Variants in NACC2 observed in about 807,000 individuals in gnomAD.
NACC2 encodes NACC family member 2, also known as nucleus accumbens-associated protein 2.
Under a neutral mutation model 25.1 loss-of-function variants are expected in NACC2, and 8 were observed. The observed-to-expected ratio is 0.32, with a 90% CI of 0.19 to 0.57. The LOEUF (loss-of-function observed/expected upper bound fraction) is 0.57, where lower values mean the gene tolerates loss of function less well. NACC2 is among the 20% of genes least tolerant of loss of function. NACC2 has a pLI of 0.89. For missense variants in NACC2, 644 were observed against 650.2 expected (o/e 0.99, Z 0.10); for synonymous variants, 435 against 294.7 (o/e 1.48, Z -4.88).
Position 136,013,699 on chromosome 9 carries a change from C to G in NACC2, c.1157+165G>C, listed in dbSNP as rs1485470595. On this transcript the variant is annotated intron_variant, in intron 4 of 5. Transcript: ENST00000277554. The surrounding 1 kb of genome is among the most constrained non-coding windows in gnomAD (Gnocchi z 6.6). ...CGAAAGACAGCCCCTCCCTCCCTCC[C>G]TGGGAGCCTCTCCACCGTCCTGGGG... Among the ~76,000 whole-genome samples the G allele has an allele frequency of 2.6e-5, 4 of 152,184 alleles. No individual in the cohort carries two copies. Among genetic ancestry groups the G allele is most frequent in the Non-Finnish European group, 5.9e-5 (4 of 68,022 alleles).
chr9:136,079,652 C>A (rs1222448733), intron 1 of NACC2, among the ~76,000 whole-genome samples: 1 of 152,190 alleles, frequency 6.6e-6, no homozygotes, highest in Non-Finnish European at 1.5e-5. Context: ...CTTCCTGGGG[C>A]CCTGCCGTGG....
chr9:136,036,262 T>C (rs1840551154), intron 2 of NACC2, among the ~76,000 whole-genome samples: 1 of 152,210 alleles, frequency 6.6e-6, no homozygotes, highest in East Asian at 1.9e-4. Context: ...GACTCATTAT[T>C]GAAATTCTAC....
intron 2 of NACC2, among the ~76,000 whole-genome samples, chr9:136,044,752 G>A (rs1391550590): frequency 3.3e-5 from 5 of 152,356 alleles, no homozygotes; most frequent in Non-Finnish European, 7.3e-5. Flanking sequence ...GAGCGGCCTC[G>A]GACATACAGC....
rs182387542 is a variant in NACC2 at position 136,084,594 on chromosome 9, G to A, written c.-60+10595C>T. Among the ~76,000 whole-genome samples, 79 of 152,326 alleles carry A rather than the reference G, an allele frequency of 5.2e-4. No individual in the cohort carries two copies. Among genetic ancestry groups the A allele is most frequent in the Admixed American group, 2.6e-3 (40 of 15,298 alleles). On this transcript the variant is annotated intron_variant, in intron 1 of 5. Coordinates refer to ENST00000277554, the MANE Select transcript of NACC2 (RefSeq NM_144653.5). This position sits in a 1 kb window ranked among gnomAD's most constrained non-coding sequence, Gnocchi z 5.1. ...GAAAGGCCACAGAATACACCAGGCT[G>A]GAAGAGCCCAGAGACACAGCAAGAC...
At chr9:136,087,625 A>G (rs957956050) in intron 1 of NACC2, among the ~76,000 whole-genome samples, 1 of 152,222 alleles carries the variant, frequency 6.6e-6, no homozygotes, top group Non-Finnish European at 1.5e-5. Context: ...GTGACCAGAA[A>G]GCAGGATACG....
chr9:136,013,365 G>A lies in NACC2; in HGVS notation c.1158-69C>T, dbSNP rs1029863343. On this transcript the variant is annotated intron_variant, in intron 4 of 5. Transcript: ENST00000277554. The surrounding 1 kb of genome is among the most constrained non-coding windows in gnomAD (Gnocchi z 6.6). ...GAGGGTACCTGGAGGCGACCCGCCC[G>A]CACGAATGCCCTGCTGGGAGGCCAC... 1.5e-5 allele frequency: 22 copies of A among 1,441,552 alleles called. No homozygotes were observed. The highest frequency in any genetic ancestry group is 5.7e-5 in the African/African-American group (4 of 70,288). 89.3% of individuals were successfully genotyped at this position (1,441,552 alleles called of 1,614,324 possible).
chr9:136,036,945 A>T (rs1840562809), intron 2 of NACC2, among the ~76,000 whole-genome samples: 3 of 152,254 alleles, frequency 2.0e-5, no homozygotes, highest in Admixed American at 2.0e-4. Context: ...AAGGCATCTA[A>T]TAGTCAAATT....
chr9:136,021,343 C>G (rs1473306163), intron 2 of NACC2, among the ~76,000 whole-genome samples: 2 of 152,012 alleles, frequency 1.3e-5, no homozygotes, highest in Admixed American at 6.6e-5. Flanking sequence ...CCTCCCAGTG[C>G]GGGAAACGTA....
In NACC2 at chr9:136,047,716, C is replaced by A. The variant is rs901501024; in HGVS notation, c.886+1920G>T. The stretch of plus-strand genomic sequence containing the variant: ...CTCCCGTCCCCACCCAACACACATC[C>A]GGGACTCCACAGAGCCGCTTCCTGG... On this transcript the variant is annotated intron_variant, in intron 2 of 5. Coordinates refer to ENST00000277554, the MANE Select transcript of NACC2 (RefSeq NM_144653.5). Among the ~76,000 whole-genome samples the A allele has an allele frequency of 2.6e-5, 4 of 152,200 alleles. No individual in the cohort carries two copies. The East Asian group carries it at 7.7e-4, about 29-fold the overall frequency.
chr9:136,047,793 G>A (rs1840752477), intron 2 of NACC2, among the ~76,000 whole-genome samples: 1 of 152,172 alleles, frequency 6.6e-6, no homozygotes. Flanking sequence ...GGGCGTGAGG[G>A]CTTCTAGCTC....
At chr9:136,045,014 G>A (rs1249043839) in intron 2 of NACC2, among the ~76,000 whole-genome samples, 2 of 152,238 alleles carry the variant, frequency 1.3e-5, no homozygotes, top group Non-Finnish European at 2.9e-5. Flanking sequence ...CAGATGTGCT[G>A]CTGTGTGCCA....
At position 136,022,472 on chromosome 9, in the gene NACC2, T is replaced by G. The variant is rs1840306799; in HGVS notation, c.887-6043A>C. 1.3e-5 allele frequency among the ~76,000 whole-genome samples: 2 copies of G among 152,232 alleles called. No homozygotes were observed. Among genetic ancestry groups the G allele is most frequent in the African/African-American group, 4.8e-5 (2 of 41,466 alleles). ...GCCCAGGGCCGGCTGTGGGGCCAAC[T>G]GGTGCAGACGTGGCATTTAGTGTGG... is the stretch of plus-strand genomic sequence containing the variant. On this transcript the variant is annotated intron_variant, in intron 2 of 5. Transcript: ENST00000277554. The surrounding 1 kb of genome is among the most constrained non-coding windows in gnomAD (Gnocchi z 4.4).
intron 1 of NACC2, among the ~76,000 whole-genome samples, chr9:136,081,256 C>T (rs12003965): frequency 0.093 from 14,218 of 152,112 alleles, 732 homozygotes; most frequent in African/African-American, 0.13. Context: ...CTGGGGGCTC[C>T]GCAGGACAGG....
At position 136,049,637 on chromosome 9, in the gene NACC2, T is replaced by C. The variant is rs1840785519; in HGVS notation, c.885A>G (p.Ala295=). ...TGGGGCTCCACCCCGCCGCGTTACC[T>C]GCATAGCTGCCGGAGGCCTTGATGT... ...QMYIKASGSY[A]VQEKPEPVPL... is the part of the protein sequence containing the mutation. The change falls in exon 2 of 6, where the codon GCA becomes GCG. Residue 295 remains alanine, a splice_region_variant and synonymous_variant. Coordinates refer to ENST00000277554, the MANE Select transcript of NACC2 (RefSeq NM_144653.5). 1.3e-6 allele frequency: 1 copy of C among 775,928 alleles called. No homozygotes were observed. The highest frequency in any genetic ancestry group is 2.4e-6 in the Non-Finnish European group (1 of 416,018). The allele number at this position is 775,928 out of a possible 1,614,324, so 48.1% of individuals were successfully genotyped here. A position where few individuals can be genotyped will look rare whatever the true frequency, so the allele number is the denominator to read the frequency against.
intron 1 of NACC2, among the ~76,000 whole-genome samples, chr9:136,059,418 A>G (rs1456413402): frequency 6.6e-6 from 1 of 152,194 alleles, no homozygotes; most frequent in Non-Finnish European, 1.5e-5. Context: ...GAGGCCCCAG[A>G]GCCCAGACCT....
intron 1 of NACC2, among the ~76,000 whole-genome samples, chr9:136,064,127 A>G (rs1564236238): frequency 6.6e-6 from 1 of 151,920 alleles, no homozygotes; most frequent in Non-Finnish European, 1.5e-5. Flanking sequence ...CATCTCTACA[A>G]AAAATTCAAA....
chr9:136,077,067 C>T (rs4841915), intron 1 of NACC2, among the ~76,000 whole-genome samples: 33,042 of 151,562 alleles, frequency 0.22, 3,894 homozygotes, highest in East Asian at 0.4. Context: ...GTAGTCCCAG[C>T]CACTTGGGAG....
At chr9:136,064,552 G>C (rs1841057195) in intron 1 of NACC2, among the ~76,000 whole-genome samples, 1 of 152,158 alleles carries the variant, frequency 6.6e-6, no homozygotes, top group Non-Finnish European at 1.5e-5. Context: ...AGAAATGAAA[G>C]ATCTAAAGAA....
At position 136,013,715 on chromosome 9, in the gene NACC2, C is replaced by A. The variant is rs1213497767; in HGVS notation, c.1157+149G>T. ...CCTCCCTCCCTGGGAGCCTCTCCAC[C>A]GTCCTGGGGCCGACCGGCCACGGCT... is the stretch of plus-strand genomic sequence containing the variant. On this transcript the variant is annotated intron_variant, in intron 4 of 5. Coordinates refer to ENST00000277554, the MANE Select transcript of NACC2 (RefSeq NM_144653.5). This position sits in a 1 kb window ranked among gnomAD's most constrained non-coding sequence, Gnocchi z 6.6. 9.1e-6 allele frequency: 6 copies of A among 660,468 alleles called. No homozygotes were observed. The South Asian group carries it at 1.2e-4, about 14-fold the overall frequency. The allele number at this position is 660,468 out of a possible 1,614,324, so 40.9% of individuals were successfully genotyped here.
Sources: gnomAD v4.1 joint callset for allele counts (sites outside exome capture counted in the v4.1 genomes callset) on GRCh38, gnomAD v4.1.1 for gene constraint, Gnocchi (gnomAD v3.1) non-coding constraint, MANE v1.5 for transcripts, NCBI Gene and HGNC (gene_info 2026-07-23, HGNC 2026-07-21) for gene names.